Variants in RYK observed in about 807,000 individuals in gnomAD.
The protein encoded by RYK is receptor like tyrosine kinase, also known as inactive tyrosine-protein kinase RYK.
A neutral mutation model predicts 70.2 loss-of-function variants in RYK; 21 were observed. That is an observed-to-expected ratio of 0.30 (90% CI 0.21 to 0.43). The LOEUF (loss-of-function observed/expected upper bound fraction) is 0.43, where lower values mean the gene tolerates loss of function less well. Among genes scored for constraint, RYK ranks in the 20% least tolerant of loss-of-function variants. The probability of loss-of-function intolerance (pLI) is 1.00; values close to 1 mark genes in which losing one functional copy is unlikely to be tolerated. For synonymous variants in RYK, 267 were observed against 278.0 expected (o/e 0.96, Z 0.39); for missense variants, 604 against 753.3 (o/e 0.80, Z 2.32).
At chr3:134,236,074 G>C (rs1220143401) in intron 1 of RYK, among the ~76,000 whole-genome samples, 2 of 152,052 alleles carry the variant, frequency 1.3e-5, no homozygotes, top group South Asian at 4.2e-4. Context: ...ATCAGGGTAG[G>C]TTCTAATATC....
At chr3:134,224,564 C>A (rs1458876051) in intron 1 of RYK, among the ~76,000 whole-genome samples, 2 of 152,178 alleles carry the variant, frequency 1.3e-5, no homozygotes, top group African/African-American at 4.8e-5. Flanking sequence ...AGGCCTTCCA[C>A]AAGAGGTGGT....
At chr3:134,165,744 C>T (rs942763252) in intron 13 of RYK, among the ~76,000 whole-genome samples, 2 of 152,194 alleles carry the variant, frequency 1.3e-5, no homozygotes, top group Non-Finnish European at 2.9e-5. Flanking sequence ...ATTGTTTGTT[C>T]GGTTAGGTTT....
chr3:134,187,764 C>T (rs114645415), intron 9 of RYK, among the ~76,000 whole-genome samples: 436 of 145,308 alleles, frequency 3.0e-3, no homozygotes, highest in African/African-American at 0.01. Context: ...CTTGCTATAT[C>T]GCCCAGGCCG....
chr3:134,237,082 A>G (rs1272960112), intron 1 of RYK, among the ~76,000 whole-genome samples: 4 of 152,198 alleles, frequency 2.6e-5, no homozygotes, highest in Non-Finnish European at 5.9e-5. Flanking sequence ...TTATTCTTGC[A>G]AAACTCTTAA....
chr3:134,194,928 T>C (rs1212394535), intron 7 of RYK, among the ~76,000 whole-genome samples, 154 bp downstream of exon 7: 2 of 152,224 alleles, frequency 1.3e-5, no homozygotes, highest in African/African-American at 4.8e-5. Context: ...CATTCAATGC[T>C]CTAGAAAGCA....
chr3:134,194,777 C>T (rs1049780334), intron 7 of RYK, among the ~76,000 whole-genome samples: 18 of 152,134 alleles, frequency 1.2e-4, no homozygotes. Context: ...ATATAGTTAC[C>T]TGAAAAATCT....
chr3:134,178,047 C>T lies in RYK; in HGVS notation c.1199G>A (p.Cys400Tyr), dbSNP rs753656495. 20 of 1,592,334 alleles carry T rather than the reference C, an allele frequency of 1.3e-5. No individual in the cohort carries two copies. In the South Asian group the frequency reaches 1.7e-4, roughly 14 times the overall value. Residue 400 changes from cysteine (C) to tyrosine (Y), a missense_variant, in exon 11 of 15, where the codon TGT (cysteine) becomes TAT (tyrosine). Cys to Tyr is a radical substitution (Grantham distance 194). Coordinates refer to ENST00000623711, the MANE Select transcript of RYK (RefSeq NM_002958.4). ...CATGGGCTTTTCTCCTTCTTCTATA[C>T]ACACATGAGTAATAGGAAGAAGATT... The part of the protein sequence containing the change: ...HRNLLPITHV[C>Y]IEEGEKPMVI...
chr3:134,249,921 T>TTG (rs1207949344), intron 1 of RYK, among the ~76,000 whole-genome samples: 12 of 104,174 alleles, frequency 1.2e-4, no homozygotes, highest in Non-Finnish European at 1.7e-4. Flanking sequence ...TCTCTCGTTT[T>TTG]TTTTTTTTTT....
At chr3:134,170,252 T>C (rs1371341835) in intron 13 of RYK, among the ~76,000 whole-genome samples, 2 of 152,210 alleles carry the variant, frequency 1.3e-5, no homozygotes, top group Admixed American at 1.3e-4. Context: ...GTTAACCACG[T>C]TAAATGCAAA....
chr3:134,179,987 A>G (rs1316210549), intron 10 of RYK: 1 of 152,150 alleles, frequency 6.6e-6, no homozygotes, highest in African/African-American at 2.4e-5. Flanking sequence ...TCTTGTAATG[A>G]AAAGGAGGAT....
chr3:134,200,917 A>G (rs1379854136), intron 6 of RYK, among the ~76,000 whole-genome samples: 5 of 152,230 alleles, frequency 3.3e-5, no homozygotes, highest in Admixed American at 3.3e-4. Context: ...CAATTCATGG[A>G]TGGTAACTAA....
chr3:134,199,286 T>C (rs1333589031), intron 6 of RYK, among the ~76,000 whole-genome samples: 1 of 152,208 alleles, frequency 6.6e-6, no homozygotes, highest in African/African-American at 2.4e-5. Flanking sequence ...AACACTACCA[T>C]CCCTTTCTAA....
At chr3:134,203,342 G>T (rs2014090903) in intron 5 of RYK, among the ~76,000 whole-genome samples, 1 of 152,054 alleles carries the variant, frequency 6.6e-6, no homozygotes, top group Admixed American at 6.5e-5. Flanking sequence ...ACCATCTATG[G>T]ACTATTCTTA....
intron 10 of RYK, chr3:134,181,710 G>A (rs1458084285): frequency 6.6e-6 from 1 of 151,996 alleles, no homozygotes; most frequent in African/African-American, 2.4e-5. Flanking sequence ...CAAATTTTCA[G>A]TAGACATACA....
chr3:134,160,484 G>A (rs549325203), intron 13 of RYK, among the ~76,000 whole-genome samples: 1 of 151,820 alleles, frequency 6.6e-6, no homozygotes, highest in South Asian at 2.1e-4. Flanking sequence ...AAAATACACA[G>A]ATTTTTTTAA....
chr3:134,173,470 A>G (rs1321075028), intron 13 of RYK, among the ~76,000 whole-genome samples: 1 of 152,170 alleles, frequency 6.6e-6, no homozygotes, highest in Non-Finnish European at 1.5e-5. Context: ...TATTTCTGCA[A>G]TGATGGAGAG....
intron 6 of RYK, among the ~76,000 whole-genome samples, chr3:134,201,294 C>G (rs1227829935): frequency 6.6e-6 from 1 of 152,134 alleles, no homozygotes; most frequent in African/African-American, 2.4e-5. Flanking sequence ...GAAAATAAAA[C>G]AGTGGGGACA....
intron 3 of RYK, among the ~76,000 whole-genome samples, chr3:134,211,048 A>G (rs1460326663): frequency 6.6e-6 from 1 of 152,230 alleles, no homozygotes; most frequent in Admixed American, 6.5e-5. Flanking sequence ...GGGCAAGTGC[A>G]GCAACAAGGC....
chr3:134,222,402 T>A lies in RYK; in HGVS notation c.354+16A>T. 1 of 1,612,202 alleles carries A rather than the reference T, an allele frequency of 6.2e-7. No homozygotes were observed. ...GGTGACCCTGTCATGATGTCTGTGG[T>A]TAGCCACTCTCTTACCTTGGACTTC... On this transcript the variant is annotated intron_variant, in intron 2 of 14. Transcript: ENST00000623711.
Sources: gnomAD v4.1 joint callset for allele counts (sites outside exome capture counted in the v4.1 genomes callset) on GRCh38, gnomAD v4.1.1 for gene constraint, MANE v1.5 for transcripts, NCBI Gene and HGNC (gene_info 2026-07-23, HGNC 2026-07-21) for gene names.